Variants in RASSF6 observed in about 807,000 individuals in gnomAD.
The protein encoded by RASSF6 is ras association domain-containing protein 6.
A neutral mutation model predicts 44.0 loss-of-function variants in RASSF6; 52 were observed. The ratio of observed to expected loss-of-function variants is 1.18; its 90% confidence interval spans 0.95 to 1.49. The LOEUF (loss-of-function observed/expected upper bound fraction) is 1.49. RASSF6 is among the 40% of genes most tolerant of loss of function. The pLI is 0.00. For missense variants in RASSF6, 464 were observed against 393.3 expected (o/e 1.18, Z -1.52); for synonymous variants, 162 against 124.6 (o/e 1.30, Z -2.00).
intron 2 of RASSF6, among the ~76,000 whole-genome samples, chr4:73,605,473 A>G (rs1578056578): frequency 6.6e-6 from 1 of 152,204 alleles, no homozygotes; most frequent in Non-Finnish European, 1.5e-5. Context: ...CTCCTCTTTC[A>G]TAAACAGCCA....
rs1578013215 is a variant in RASSF6, at chr4:73,576,736, A to G, written c.722-5T>C. 1 of 1,519,184 alleles carries G rather than the reference A, an allele frequency of 6.6e-7. No individual in the cohort carries two copies. 94.1% of individuals were successfully genotyped at this position (1,519,184 alleles called of 1,614,324 possible). A position where few individuals can be genotyped will look rare whatever the true frequency, so the allele number is the denominator to read the frequency against. ...TCTTCTTTAGTCGTCTTTGTTCTGC[A>G]GTGAAAACAAGAATCAACCACAATC... is the stretch of plus-strand genomic sequence containing the variant. On this transcript the variant is annotated splice_region_variant and splice_polypyrimidine_tract_variant and intron_variant, in intron 8 of 10. Transcript: ENST00000307439.
intron 2 of RASSF6, among the ~76,000 whole-genome samples, chr4:73,602,597 A>G (rs947836567): frequency 7.2e-6 from 1 of 139,330 alleles, no homozygotes; most frequent in Non-Finnish European, 1.6e-5. Context: ...CACCTGTTAC[A>G]TGCGGACCCC....
chr4:73,581,415 A>T (rs1013705347), intron 8 of RASSF6, among the ~76,000 whole-genome samples: 35 of 152,146 alleles, frequency 2.3e-4, no homozygotes, highest in African/African-American at 7.0e-4. Context: ...CCCTGTGCTA[A>T]AAAAGAGGCA....
intron 1 of RASSF6, among the ~76,000 whole-genome samples, chr4:73,612,205 C>T (rs1476301376): frequency 6.6e-6 from 1 of 152,114 alleles, no homozygotes; most frequent in African/African-American, 2.4e-5. Context: ...TTCTAGGCAG[C>T]TAAAATCAAG....
At chr4:73,598,594 G>C in intron 3 of RASSF6, 46 bp downstream of exon 3, 1 of 860,686 alleles carries the variant, frequency 1.2e-6, no homozygotes, top group Non-Finnish European at 1.9e-6. Flanking sequence ...GTGCACGCAT[G>C]TGTGTGTGTG....
At chr4:73,581,549 G>T (rs1480374963) in intron 8 of RASSF6, among the ~76,000 whole-genome samples, 1 of 152,134 alleles carries the variant, frequency 6.6e-6, no homozygotes, top group Non-Finnish European at 1.5e-5. Context: ...AGTTCCAGAG[G>T]GTTTTGATCT....
chr4:73,595,239 G>A (rs369628545), intron 3 of RASSF6, among the ~76,000 whole-genome samples: 1 of 152,062 alleles, frequency 6.6e-6, no homozygotes, highest in South Asian at 2.1e-4. Flanking sequence ...CTGTCACCCA[G>A]GCTGGAGTAC....
At chr4:73,590,827 T>C (rs1297184956) in intron 4 of RASSF6, among the ~76,000 whole-genome samples, 1 of 152,246 alleles carries the variant, frequency 6.6e-6, no homozygotes, top group Non-Finnish European at 1.5e-5. Flanking sequence ...GACAAGCCAG[T>C]CAAGGTTTCT....
intron 1 of RASSF6, among the ~76,000 whole-genome samples, chr4:73,619,927 G>A (rs1161868756): frequency 1.3e-5 from 2 of 151,976 alleles, no homozygotes; most frequent in Admixed American, 6.6e-5. Context: ...AGAGGAAGGA[G>A]TATGCCATCC....
intron 1 of RASSF6, among the ~76,000 whole-genome samples, chr4:73,617,488 G>T (rs1726440728): frequency 6.6e-6 from 1 of 152,150 alleles, no homozygotes; most frequent in Admixed American, 6.5e-5. Context: ...AAAATTTTCT[G>T]CTTCACCTGA....
chr4:73,600,718 C>T (rs1725229624), intron 2 of RASSF6, among the ~76,000 whole-genome samples: 1 of 12,392 alleles, frequency 8.1e-5, no homozygotes, highest in Non-Finnish European at 1.9e-4. Context: ...ACACTTCACA[C>T]AATTGCCATA....
chr4:73,610,506 A>C (rs563772210), intron 2 of RASSF6, among the ~76,000 whole-genome samples: 1 of 152,262 alleles, frequency 6.6e-6, no homozygotes, highest in Admixed American at 6.5e-5. Context: ...ACATGTTCTG[A>C]GCCCATTTGG....
chr4:73,575,150 C>T lies in RASSF6; in HGVS notation c.*1085G>A, dbSNP rs1052956035. On this transcript the variant is annotated 3_prime_UTR_variant, in exon 11 of 11. Coordinates refer to ENST00000307439, the MANE Select transcript of RASSF6 (RefSeq NM_177532.5). ...CTGCATATAATCTCATTCCTTAGTA[C>T]ATGTAATATGATCAATTTACTACAA... is the stretch of plus-strand genomic sequence containing the variant. 1 of 152,092 alleles carries T rather than the reference C, an allele frequency of 6.6e-6. No individual in the cohort carries two copies. The highest frequency in any genetic ancestry group is 1.5e-5 in the Non-Finnish European group (1 of 68,014). 9.4% of individuals were successfully genotyped at this position (152,092 alleles called of 1,614,324 possible).
Position 73,576,307 on chromosome 4 carries a change from G to A in RASSF6, c.942C>T (p.Phe314=). ...KREIQRIVTK[F]NKEKAIILKC... Reference sequence around the variant, plus strand: ...TCAGTATAATCGCCTTTTCTTTATTGAATCTGAAAATGAGAAGAAGAAAGA... The same window carrying A: ...TCAGTATAATCGCCTTTTCTTTATTAAATCTGAAAATGAGAAGAAGAAAGA... The change falls in exon 11 of 11, where the codon TTC becomes TTT. Residue 314 remains phenylalanine, a synonymous_variant. Transcript: ENST00000307439. 6.5e-7 allele frequency: 1 copy of A among 1,540,306 alleles called. No homozygotes were observed. Among genetic ancestry groups the A allele is most frequent in the Non-Finnish European group, 8.9e-7 (1 of 1,120,862 alleles).
In RASSF6 at chr4:73,620,384, T is replaced by C; in HGVS notation, c.-131A>G. 1.3e-6 allele frequency: 2 copies of C among 1,530,072 alleles called. No individual in the cohort carries two copies. The highest frequency in any genetic ancestry group is 8.8e-7 in the Non-Finnish European group (1 of 1,139,250). The allele number at this position is 1,530,072 out of a possible 1,614,324, so 94.8% of individuals were successfully genotyped here. On this transcript the variant is annotated 5_prime_UTR_variant, in exon 1 of 11. Coordinates refer to ENST00000307439, the MANE Select transcript of RASSF6 (RefSeq NM_177532.5). ...TTCTCGGCTGGGTCAGGAACTCTGG[T>C]AGAGGGAAACCAGTGCCCTGTCTCT...
At chr4:73,595,282 C>T (rs902352887) in intron 3 of RASSF6, among the ~76,000 whole-genome samples, 4 of 152,180 alleles carry the variant, frequency 2.6e-5, no homozygotes, top group Non-Finnish European at 5.9e-5. Context: ...GCAATCCCCA[C>T]CTCCTGGTTC....
intron 3 of RASSF6, among the ~76,000 whole-genome samples, chr4:73,595,129 C>T (rs972875974): frequency 6.6e-6 from 1 of 152,148 alleles, no homozygotes; most frequent in Non-Finnish European, 1.5e-5. Context: ...CCTCACCGTA[C>T]ACTTCACCTC....
chr4:73,585,887 G>T (rs2149371674), intron 5 of RASSF6, among the ~76,000 whole-genome samples: 1 of 150,796 alleles, frequency 6.6e-6, no homozygotes, highest in Non-Finnish European at 1.5e-5. Flanking sequence ...CAATGTGCAG[G>T]TTAGTTACAT....
chr4:73,593,613 TCCC>T lies in RASSF6; in HGVS notation c.145-23_145-21del. ...TTCAGTCTAAGGAAGAAATGAATAA[TCCC>T]CCAATTGTTTTTGTATTATTTATAG... is the stretch of plus-strand genomic sequence containing the variant. On this transcript the variant is annotated intron_variant, in intron 3 of 10. Coordinates refer to ENST00000307439, the MANE Select transcript of RASSF6 (RefSeq NM_177532.5). 5 of 1,589,152 alleles carry T rather than the reference TCCC, an allele frequency of 3.1e-6. No homozygotes were observed. Among genetic ancestry groups the T allele is most frequent in the Non-Finnish European group, 4.3e-6 (5 of 1,165,866 alleles).
Sources: allele counts gnomAD v4.1 joint callset (sites outside exome capture counted in the v4.1 genomes callset), GRCh38; gene constraint gnomAD v4.1.1; transcripts MANE v1.5; gene names NCBI Gene and HGNC (gene_info 2026-07-23, HGNC 2026-07-21).